The following MAP4K5 variants were observed in gnomAD, a reference collection of about 807,000 sequenced individuals.
MAP4K5 encodes the protein mitogen-activated protein kinase kinase kinase kinase 5, also known as MAPK/ERK kinase kinase kinase 5.
MAP4K5 carries 82 observed loss-of-function variants against 135.6 expected under a neutral mutation model. The observed-to-expected ratio is 0.60, with a 90% CI of 0.51 to 0.73. The LOEUF (loss-of-function observed/expected upper bound fraction) is 0.73, where lower values mean the gene tolerates loss of function less well. MAP4K5 is among the 30% of genes least tolerant of loss of function. The pLI, the probability that MAP4K5 is intolerant of heterozygous loss-of-function variation, is 0.00. For missense variants in MAP4K5, 907 were observed against 1,010.9 expected (o/e 0.90, Z 1.39); for synonymous variants, 347 against 335.0 (o/e 1.04, Z -0.39).
chr14:50,459,906 C>T (rs2036673274), intron 13 of MAP4K5, among the ~76,000 whole-genome samples: 1 of 151,914 alleles, frequency 6.6e-6, no homozygotes, highest in Non-Finnish European at 1.5e-5. Flanking sequence ...CGCTACGTTG[C>T]CCAGGGTGGT....
chr14:50,438,119 C>T (rs769504468), intron 23 of MAP4K5, 25 bp from the exon 24 acceptor site: 2 of 751,006 alleles, frequency 2.7e-6, no homozygotes, highest in Non-Finnish European at 4.8e-6. Context: ...CAGTAATGTT[C>T]AAAAAGCCAA....
chr14:50,507,943 T>C (rs1325542942), intron 2 of MAP4K5, among the ~76,000 whole-genome samples: 1 of 152,164 alleles, frequency 6.6e-6, no homozygotes, highest in Non-Finnish European at 1.5e-5. Flanking sequence ...ATGTTGACAG[T>C]AGGGTGTTAA....
intron 1 of MAP4K5, 59 bp from the exon 2 acceptor site, chr14:50,532,217 G>A (rs2038410672): frequency 5.3e-6 from 3 of 565,936 alleles, no homozygotes; most frequent in Non-Finnish European, 9.3e-6. Flanking sequence ...CCAGCGGCCC[G>A]CGCCCTCGCG....
Position 50,504,850 on chromosome 14 carries a change from T to C in MAP4K5, c.116A>G (p.Asn39Ser). 1 of 1,542,068 alleles carries C rather than the reference T, an allele frequency of 6.5e-7. No individual in the cohort carries two copies. Among genetic ancestry groups the C allele is most frequent in the Non-Finnish European group, 8.7e-7 (1 of 1,144,946 alleles). Residue 39 changes from asparagine (N) to serine (S), a missense_variant, in exon 3 of 33, where the codon AAT becomes AGT. Around this residue, in one of 3 missense-constraint regions of MAP4K5, gnomAD observed 196 missense variants for 189.3 expected, o/e 1.04. Transcript: ENST00000682126. Reference protein sequence around the residue: ...GTYGDVYKARNVHTGELAAVK... With the variant: ...GTYGDVYKARSVHTGELAAVK... ...TGCAGCCAGCTCTCCTGTGTGTACA[T>C]TTCTGGCCTAAAAATAAAATAAAAA...
In MAP4K5 at chr14:50,514,555, G is replaced by C. The variant is rs139711973; in HGVS notation, c.109-9698C>G. On this transcript the variant is annotated intron_variant, in intron 2 of 32. Transcript: ENST00000682126. ...GGGAAGAGTAAATACTACAGAGTGT[G>C]AAAAATGCTCTCATAGATGACACAA... 7.9e-5 allele frequency among the ~76,000 whole-genome samples: 12 copies of C among 152,272 alleles called. No homozygotes were observed. In the East Asian group the frequency reaches 2.3e-3, roughly 29 times the overall value.
At chr14:50,557,862 T>G (rs186525841) in intron 1 of MAP4K5, among the ~76,000 whole-genome samples, 2 of 152,308 alleles carry the variant, frequency 1.3e-5, no homozygotes, top group African/African-American at 4.8e-5. Context: ...ATGGCTATTC[T>G]AGTTCTAAGA....
At chr14:50,470,605 T>C (rs1006546501) in intron 9 of MAP4K5, among the ~76,000 whole-genome samples, 4 of 151,980 alleles carry the variant, frequency 2.6e-5, no homozygotes, top group African/African-American at 9.7e-5. Flanking sequence ...AAGCTAAGCA[T>C]GATCCCACTC....
intron 3 of MAP4K5, among the ~76,000 whole-genome samples, chr14:50,488,894 T>C (rs1393079701): frequency 2.0e-5 from 3 of 152,226 alleles, no homozygotes; most frequent in African/African-American, 7.2e-5. Flanking sequence ...TGAACTGAAA[T>C]TGTATCATGG....
chr14:50,555,879 T>C (rs912853119), intron 1 of MAP4K5, among the ~76,000 whole-genome samples: 2 of 152,186 alleles, frequency 1.3e-5, no homozygotes, highest in Non-Finnish European at 2.9e-5. Context: ...CTAAGATTGC[T>C]ATTTATAGAG....
intron 8 of MAP4K5, among the ~76,000 whole-genome samples, chr14:50,475,840 TCA>T (rs1318212812): frequency 1.3e-5 from 2 of 152,364 alleles, no homozygotes; most frequent in East Asian, 1.9e-4. Flanking sequence ...AATAGATTTA[TCA>T]CAGTTTAACA....
At chr14:50,542,095 C>T (rs572480873) in intron 2 of MAP4K5, among the ~76,000 whole-genome samples, 1 of 136,380 alleles carries the variant, frequency 7.3e-6, no homozygotes, top group South Asian at 2.6e-4. Flanking sequence ...TGAAAGGCAA[C>T]TCTTGATTTA....
intron 6 of MAP4K5, among the ~76,000 whole-genome samples, chr14:50,482,001 A>C (rs2037253058): frequency 6.6e-6 from 1 of 152,200 alleles, no homozygotes; most frequent in Non-Finnish European, 1.5e-5. Context: ...ACATGTTACA[A>C]TTGAGAGGTT....
intron 15 of MAP4K5, among the ~76,000 whole-genome samples, chr14:50,447,795 T>A (rs1313373168): frequency 6.6e-6 from 1 of 152,170 alleles, no homozygotes; most frequent in Non-Finnish European, 1.5e-5. Context: ...ACATCATCAC[T>A]CCATTAGCAT....
intron 2 of MAP4K5, among the ~76,000 whole-genome samples, chr14:50,522,918 G>A (rs181825583): frequency 6.6e-6 from 1 of 152,302 alleles, no homozygotes; most frequent in Non-Finnish European, 1.5e-5. Flanking sequence ...CTGGTGGAGA[G>A]AAGACATAAG....
Position 50,423,183 on chromosome 14 carries a change from A to G in MAP4K5, c.2398-7T>C. On this transcript the variant is annotated splice_region_variant and splice_polypyrimidine_tract_variant and intron_variant, in intron 31 of 32. Coordinates refer to ENST00000682126, the MANE Select transcript of MAP4K5 (RefSeq NM_006575.6). ...CTGAAATCTCCTGGGTAACCTAGGA[A>G]AGAAAAATACCTATCAGTAACATCT... is the stretch of plus-strand genomic sequence containing the variant. The G allele has an allele frequency of 6.9e-7, 1 of 1,442,460 alleles. No individual in the cohort carries two copies. The highest frequency in any genetic ancestry group is 9.7e-7 in the Non-Finnish European group (1 of 1,032,364). The allele number at this position is 1,442,460 out of a possible 1,614,324, so 89.4% of individuals were successfully genotyped here.
chr14:50,458,679 G>T (rs10873034), intron 13 of MAP4K5, among the ~76,000 whole-genome samples: 1 of 152,178 alleles, frequency 6.6e-6, no homozygotes, highest in Non-Finnish European at 1.5e-5. Flanking sequence ...TGGGAGAAAT[G>T]TCAGGTTTTG....
intron 1 of MAP4K5, among the ~76,000 whole-genome samples, chr14:50,552,643 G>A (rs138659118): frequency 6.0e-4 from 91 of 152,266 alleles, no homozygotes; most frequent in African/African-American, 2.1e-3. Flanking sequence ...CCAAAACAAC[G>A]TGGTACTGCT....
chr14:50,532,951 G>T (rs74050944), upstream of MAP4K5: 1 of 152,604 alleles, frequency 6.6e-6, no homozygotes, highest in African/African-American at 2.4e-5. Context: ...GAAAAGGTAC[G>T]TTAAGGGCAC....
At chr14:50,544,932 C>G (rs1276088166) in intron 1 of MAP4K5, among the ~76,000 whole-genome samples, 12 of 102,698 alleles carry the variant, frequency 1.2e-4, no homozygotes, top group Admixed American at 4.7e-4. Flanking sequence ...GTGAGACCCA[C>G]TCTCAAAAAA....
Sources: gnomAD v4.1 joint callset for allele counts (sites outside exome capture counted in the v4.1 genomes callset) on GRCh38, gnomAD v4.1.1 for gene constraint, gnomAD v4.1.1 regional missense constraint, MANE v1.5 for transcripts, NCBI Gene and HGNC (gene_info 2026-07-23, HGNC 2026-07-21) for gene names.